Variants in STYK1 observed in about 807,000 individuals in gnomAD.
The protein encoded by STYK1 is STY kinase 1.
A neutral mutation model predicts 48.1 loss-of-function variants in STYK1; 46 were observed. The observed-to-expected ratio is 0.96, with a 90% CI of 0.75 to 1.22. The LOEUF is 1.22. Ranked by LOEUF, STYK1 falls within the 50% of genes most tolerant of loss-of-function variation. The pLI, the probability that STYK1 is intolerant of heterozygous loss-of-function variation, is 0.00. For synonymous variants in STYK1, 188 were observed against 189.0 expected (o/e 0.99, Z 0.04); for missense variants, 527 against 521.1 (o/e 1.01, Z -0.11).
chr12:10,673,249 A>C (rs902062817), intron 1 of STYK1, among the ~76,000 whole-genome samples: 7 of 151,958 alleles, frequency 4.6e-5, no homozygotes, highest in Non-Finnish European at 1.0e-4. Context: ...TGGTGGTGGG[A>C]GCCTGTAATC....
intron 4 of STYK1, 134 bp downstream of exon 4, chr12:10,633,856 T>G: frequency 5.6e-6 from 6 of 1,078,114 alleles, no homozygotes; most frequent in Non-Finnish European, 8.0e-6. Flanking sequence ...CTCAACTCCA[T>G]GGGAGGGAAC....
intron 6 of STYK1, among the ~76,000 whole-genome samples, chr12:10,628,633 G>C (rs1043252474): frequency 6.6e-6 from 1 of 152,310 alleles, no homozygotes. Context: ...GAGGCTCAAA[G>C]AATATTGAAC....
intron 8 of STYK1, among the ~76,000 whole-genome samples, chr12:10,624,338 C>T (rs1378919026): frequency 1.3e-5 from 2 of 151,450 alleles, no homozygotes; most frequent in African/African-American, 2.4e-5. Context: ...GTGGGAGGAT[C>T]GCTTGAGCCT....
chr12:10,622,798 G>C, intron 8 of STYK1, 120 bp from the exon 9 acceptor site: 3 of 1,168,982 alleles, frequency 2.6e-6, no homozygotes, highest in Non-Finnish European at 3.7e-6. Context: ...GGAGAATCAA[G>C]GATGAGTGTC....
rs1441935015 is a variant in STYK1 at position 10,672,993 on chromosome 12, C to T, written c.-195+973G>A. ...TGTGCTGCACATTACAGTAACTCGACTCCTTTATTGCCACTACTTCCCACC... is the reference window on the plus strand; with the variant it reads ...TGTGCTGCACATTACAGTAACTCGATTCCTTTATTGCCACTACTTCCCACC... On this transcript the variant is annotated intron_variant, in intron 1 of 10. Coordinates refer to ENST00000075503, the MANE Select transcript of STYK1 (RefSeq NM_018423.3). The surrounding 1 kb of genome is among the most constrained non-coding windows in gnomAD (Gnocchi z 4.0). 6.6e-6 allele frequency among the ~76,000 whole-genome samples: 1 copy of T among 152,116 alleles called. No homozygotes were observed. Among genetic ancestry groups the T allele is most frequent in the Non-Finnish European group, 1.5e-5 (1 of 68,026 alleles).
intron 1 of STYK1, among the ~76,000 whole-genome samples, chr12:10,671,889 A>G (rs1177876664): frequency 6.7e-6 from 1 of 149,246 alleles, no homozygotes; most frequent in African/African-American, 2.6e-5. Flanking sequence ...ATAATTAAAG[A>G]CATTAGTTGT....
intron 1 of STYK1, among the ~76,000 whole-genome samples, chr12:10,651,183 C>T (rs766286899): frequency 2.6e-5 from 4 of 152,192 alleles, no homozygotes; most frequent in Admixed American, 1.3e-4. Flanking sequence ...TGGTCCTGCA[C>T]TTTTCCTGCT....
At chr12:10,665,344 G>A (rs17809746) in intron 1 of STYK1, among the ~76,000 whole-genome samples, 7,081 of 152,236 alleles carry the variant, frequency 0.047, 221 homozygotes, top group Admixed American at 0.067. Context: ...CACAAATGCC[G>A]TAGAATGCCC....
chr12:10,668,772 A>G (rs980665611), intron 1 of STYK1, among the ~76,000 whole-genome samples: 1 of 152,046 alleles, frequency 6.6e-6, no homozygotes, highest in South Asian at 2.1e-4. Context: ...ATGCCAAGAC[A>G]TGATATCTAA....
chr12:10,622,038 C>T, intron 9 of STYK1, 66 bp from the exon 10 acceptor site: 1 of 1,417,562 alleles, frequency 7.1e-7, no homozygotes, highest in South Asian at 1.2e-5. Flanking sequence ...TAACACTATT[C>T]TTCATCCACT....
At chr12:10,655,279 G>T (rs1449351551) in intron 1 of STYK1, among the ~76,000 whole-genome samples, 1 of 152,170 alleles carries the variant, frequency 6.6e-6, no homozygotes, top group Non-Finnish European at 1.5e-5. Flanking sequence ...GCTTGACCTT[G>T]TAACCATGTG....
chr12:10,646,335 T>C (rs1326156486), intron 1 of STYK1, among the ~76,000 whole-genome samples: 2 of 152,170 alleles, frequency 1.3e-5, no homozygotes, highest in Non-Finnish European at 2.9e-5. Context: ...GATGAGAAAC[T>C]TGTTGGGAAC....
At chr12:10,642,596 C>A (rs1947557155) in intron 1 of STYK1, among the ~76,000 whole-genome samples, 1 of 151,932 alleles carries the variant, frequency 6.6e-6, no homozygotes, top group African/African-American at 2.4e-5. Flanking sequence ...CAAAATGAAA[C>A]AAAAAATCTT....
chr12:10,652,237 C>G (rs988631578), intron 1 of STYK1, among the ~76,000 whole-genome samples: 16 of 152,220 alleles, frequency 1.1e-4, no homozygotes, highest in Admixed American at 8.5e-4. Flanking sequence ...TTGGCAGCCA[C>G]TATTCTAGTT....
chr12:10,668,641 C>T (rs1478229401), intron 1 of STYK1, among the ~76,000 whole-genome samples: 2 of 150,314 alleles, frequency 1.3e-5, no homozygotes, highest in African/African-American at 2.5e-5. Context: ...GTGATCCGCC[C>T]GCCTCAGCCT....
At chr12:10,627,848 G>A in intron 6 of STYK1, 124 bp from the exon 7 acceptor site, 2 of 685,876 alleles carry the variant, frequency 2.9e-6, no homozygotes, top group Non-Finnish European at 2.3e-6. Flanking sequence ...ATAAGGACTA[G>A]TGTTCAAAGT....
chr12:10,636,030 A>G (rs942497559), intron 2 of STYK1, among the ~76,000 whole-genome samples: 1 of 152,256 alleles, frequency 6.6e-6, no homozygotes, highest in Non-Finnish European at 1.5e-5. Flanking sequence ...ACATAAAACA[A>G]AAATCAGAAG....
At position 10,619,529 on chromosome 12, in the gene STYK1, C is replaced by G. The variant is rs1040310676; in HGVS notation, c.*615G>C. 1 of 152,638 alleles carries G rather than the reference C, an allele frequency of 6.6e-6. No individual in the cohort carries two copies. Among genetic ancestry groups the G allele is most frequent in the Non-Finnish European group, 1.5e-5 (1 of 68,336 alleles). 9.5% of individuals were successfully genotyped at this position (152,638 alleles called of 1,614,324 possible). Reference sequence around the variant, plus strand: ...TAAACGTAGTAACAAACAGAATTTACCTGTCTCAGAATCAGATAAAAGGGG... The same window carrying G: ...TAAACGTAGTAACAAACAGAATTTAGCTGTCTCAGAATCAGATAAAAGGGG... On this transcript the variant is annotated 3_prime_UTR_variant, in exon 11 of 11. Transcript: ENST00000075503.
intron 8 of STYK1, among the ~76,000 whole-genome samples, chr12:10,624,157 A>C (rs971364543): frequency 5.9e-5 from 9 of 151,472 alleles, no homozygotes; most frequent in Admixed American, 1.3e-4. Context: ...ATGGTTGCTC[A>C]TGCCTGTAAT....
Sources: gnomAD v4.1 joint callset for allele counts (sites outside exome capture counted in the v4.1 genomes callset) on GRCh38, gnomAD v4.1.1 for gene constraint, Gnocchi (gnomAD v3.1) non-coding constraint, MANE v1.5 for transcripts, NCBI Gene and HGNC (gene_info 2026-07-23, HGNC 2026-07-21) for gene names.